The following SASH1 variants were observed in gnomAD, a reference collection of about 807,000 sequenced individuals.
The protein encoded by SASH1 is SAM and SH3 domain containing 1.
SASH1 carries 44 observed loss-of-function variants against 125.2 expected under a neutral mutation model. That is an observed-to-expected ratio of 0.35 (90% CI 0.28 to 0.45). The LOEUF is 0.45. SASH1 is among the 20% of genes least tolerant of loss of function. The pLI, the probability that SASH1 is intolerant of heterozygous loss-of-function variation, is 1.00. For synonymous variants in SASH1, 639 were observed against 649.1 expected (o/e 0.98, Z 0.24); for missense variants, 1,426 against 1,614.5 (o/e 0.88, Z 2.00).
chr6:148,528,531 C>A (rs773756073), intron 12 of SASH1, among the ~76,000 whole-genome samples: 3 of 152,226 alleles, frequency 2.0e-5, no homozygotes, highest in Non-Finnish European at 4.4e-5. Context: ...CTGCCACCCA[C>A]CTCACTTGAT....
At chr6:148,326,347 T>TATATATATATATATATATATATGC (rs1780811083) in intron 1 of SASH1, among the ~76,000 whole-genome samples, 1 of 90,118 alleles carries the variant, frequency 1.1e-5, no homozygotes, top group African/African-American at 4.2e-5. Flanking sequence ...TATATATATA[T>TATATATATATATATATATATATGC]ATATATATAT....
chr6:148,224,875 T>C, the SASH1 span, among the ~76,000 whole-genome samples: 1 of 152,214 alleles, frequency 6.6e-6, no homozygotes, highest in East Asian at 1.9e-4. Context: ...AAAATAGTTA[T>C]GGAAGTTGAG....
At chr6:148,416,033 C>T (rs1784803246) in intron 2 of SASH1, among the ~76,000 whole-genome samples, 1 of 152,164 alleles carries the variant, frequency 6.6e-6, no homozygotes, top group Non-Finnish European at 1.5e-5. Context: ...ATTTGGTTAA[C>T]TGCCCAAGCA....
chr6:148,352,336 G>A (rs143581667), intron 1 of SASH1, among the ~76,000 whole-genome samples: 3,057 of 152,236 alleles, frequency 0.02, 90 homozygotes, highest in African/African-American at 0.069. Context: ...GGTGGCTCAC[G>A]CCTGTAATCC....
At position 148,319,382 on chromosome 6, in the gene SASH1, G is replaced by T. The variant is rs72563832; in HGVS notation, n.74+47005G>T. 0.022 allele frequency among the ~76,000 whole-genome samples: 3,372 copies of T among 151,942 alleles called. 283 individuals are homozygous for T. The East Asian group carries it at 0.25, about 11-fold the overall frequency. ...TTCAATTTGGAGTTAAGGAACCTGG[G>T]AGATTGTGAATCACCGTAGTCCTCC... On this transcript the variant is annotated intron_variant and non_coding_transcript_variant, in intron 1 of 3. Coordinates refer to the SASH1 transcript ENST00000367469.
At chr6:148,537,854 G>A (rs1326947140) in intron 16 of SASH1, among the ~76,000 whole-genome samples, 1 of 150,754 alleles carries the variant, frequency 6.6e-6, no homozygotes, top group African/African-American at 2.4e-5. Context: ...TGGAGGCAGA[G>A]AGAGCTTAGC....
intron 5 of SASH1, among the ~76,000 whole-genome samples, chr6:148,470,644 G>A (rs1778057096): frequency 6.6e-6 from 1 of 152,218 alleles, no homozygotes; most frequent in African/African-American, 2.4e-5. Context: ...AGCTATAGCA[G>A]CGAATTTGTT....
At chr6:148,448,113 A>AGTGTGTGTGTGT (rs113367122) in intron 4 of SASH1, among the ~76,000 whole-genome samples, 2 of 133,204 alleles carry the variant, frequency 1.5e-5, no homozygotes, top group African/African-American at 6.1e-5. Flanking sequence ...TGCAGTGGAG[A>AGTGTGTGTGTGT]GAGTGTGTGT....
At chr6:148,535,532 C>T (rs1050829692) in intron 16 of SASH1, among the ~76,000 whole-genome samples, 9 of 152,158 alleles carry the variant, frequency 5.9e-5, no homozygotes, top group Non-Finnish European at 7.3e-5. Flanking sequence ...GACGTCTCTC[C>T]GCAGTGAATA....
intron 2 of SASH1, among the ~76,000 whole-genome samples, chr6:148,437,369 C>G (rs550843904): frequency 6.6e-6 from 1 of 152,048 alleles, no homozygotes; most frequent in Non-Finnish European, 1.5e-5. Flanking sequence ...ATTAAGAAGA[C>G]GTCCTGAAAA....
intron 4 of SASH1, among the ~76,000 whole-genome samples, chr6:148,447,762 C>T (rs1043033695): frequency 6.6e-6 from 1 of 151,906 alleles, no homozygotes; most frequent in African/African-American, 2.4e-5. Flanking sequence ...CCTCGTCCTC[C>T]TCTTCCTCTG....
chr6:148,467,550 G>A (rs1030531435), intron 4 of SASH1, among the ~76,000 whole-genome samples: 7 of 152,114 alleles, frequency 4.6e-5, no homozygotes, highest in South Asian at 2.1e-4. Context: ...AGGCAAATTC[G>A]ATGCCCAGAC....
chr6:148,378,867 C>A (rs1783018520), intron 1 of SASH1, among the ~76,000 whole-genome samples: 1 of 152,170 alleles, frequency 6.6e-6, no homozygotes, highest in African/African-American at 2.4e-5. Flanking sequence ...GTGTCAGCAG[C>A]ATTAAGATTC....
intron 17 of SASH1, among the ~76,000 whole-genome samples, chr6:148,541,728 T>C (rs1332728227): frequency 6.6e-6 from 1 of 152,190 alleles, no homozygotes; most frequent in Non-Finnish European, 1.5e-5. Flanking sequence ...ACTCTGGGCA[T>C]TCACCTCCTT....
chr6:148,456,445 A>G (rs1269748351), intron 4 of SASH1, among the ~76,000 whole-genome samples: 2 of 152,182 alleles, frequency 1.3e-5, no homozygotes, highest in African/African-American at 4.8e-5. Context: ...CCTCAGCCAC[A>G]TTTCCCCATA....
chr6:148,546,078 G>C lies in SASH1; in HGVS notation c.3412G>C (p.Glu1138Gln), dbSNP rs528523662. 2 of 1,614,262 alleles carry C rather than the reference G, an allele frequency of 1.2e-6. 1 individual carries two copies. The highest frequency in any genetic ancestry group is 2.2e-5 in the South Asian group (2 of 91,080). Reference protein sequence around the residue: ...QRYAEDLDQPERDVAANMDQI... With the variant: ...QRYAEDLDQPQRDVAANMDQI... ...ATACGCAGAGGACTTGGATCAGCCC[G>C]AGCGGGACGTCGCCGCCAACATGGA... is the stretch of plus-strand genomic sequence containing the variant. The change falls in exon 19 of 20, where the codon GAG (glutamate) becomes CAG (glutamine). Residue 1138 changes from glutamate (E) to glutamine (Q), a missense_variant. By Grantham distance (29) the Glu-to-Gln change is conservative (BLOSUM62 2). Transcript: ENST00000367467.
rs201848415 is a variant in SASH1 at position 148,362,552 on chromosome 6, C to CTT, written c.156+19340_156+19341dup. 5.2e-4 allele frequency among the ~76,000 whole-genome samples: 75 copies of CTT among 144,418 alleles called. 2 individuals are homozygous for CTT. The highest frequency in any genetic ancestry group is 1.8e-3 in the African/African-American group (71 of 39,502). 94.7% of individuals were successfully genotyped at this position (144,418 alleles called of 152,430 possible). A position where few individuals can be genotyped will look rare whatever the true frequency, so the allele number is the denominator to read the frequency against. ...GCTTGCCATTTTTACTATTATATGC[C>CTT]TTTTTTTTTTTTGAAAGTGAGGTGA... On this transcript the variant is annotated intron_variant, in intron 1 of 19. Transcript: ENST00000367467.
intron 17 of SASH1, among the ~76,000 whole-genome samples, chr6:148,541,887 T>C (rs1051374500): frequency 1.4e-4 from 21 of 152,328 alleles, no homozygotes; most frequent in African/African-American, 5.1e-4. Context: ...AAACTATATA[T>C]AATATTCAGA....
At chr6:148,469,918 C>T (rs1778020583) in intron 5 of SASH1, among the ~76,000 whole-genome samples, 2 of 151,232 alleles carry the variant, frequency 1.3e-5, no homozygotes, top group Admixed American at 1.3e-4. Flanking sequence ...CCCAGCTATT[C>T]AGGAGGCTGA....
Sources: allele counts gnomAD v4.1 joint callset (sites outside exome capture counted in the v4.1 genomes callset), GRCh38; gene constraint gnomAD v4.1.1; transcripts MANE v1.5; gene names NCBI Gene and HGNC (gene_info 2026-07-23, HGNC 2026-07-21).